The following GNB5 variants were observed in gnomAD, a reference collection of about 807,000 sequenced individuals.
GNB5 encodes G protein subunit beta 5, also known as guanine nucleotide-binding protein subunit beta-5.
A neutral mutation model predicts 55.3 loss-of-function variants in GNB5; 37 were observed. That is an observed-to-expected ratio of 0.67 (90% CI 0.51 to 0.88). The LOEUF (loss-of-function observed/expected upper bound fraction) is 0.88, where lower values mean the gene tolerates loss of function less well. Ranked by LOEUF, GNB5 falls within the 40% of genes least tolerant of loss-of-function variation. The pLI, the probability that GNB5 is intolerant of heterozygous loss-of-function variation, is 0.00. For synonymous variants in GNB5, 219 were observed against 198.5 expected (o/e 1.10, Z -0.87); for missense variants, 476 against 515.3 (o/e 0.92, Z 0.74).
chr15:52,162,445 T>A (rs1305936023), intron 3 of GNB5, among the ~76,000 whole-genome samples: 1 of 152,082 alleles, frequency 6.6e-6, no homozygotes, highest in African/African-American at 2.4e-5. Context: ...CATTACATCA[T>A]CAGGCAATGA....
chr15:52,115,399 A>C lies in GNB5; in HGVS notation c.*7358T>G, dbSNP rs1429515818. ...CTGTGCAGCTATGGGCAAGTTATTC[A>C]ACTCTCCTAACCTCAATCTCCCCAT... On this transcript the variant is annotated 3_prime_UTR_variant, in exon 13 of 13. Transcript: ENST00000261837. 1 of 152,220 alleles carries C rather than the reference A, an allele frequency of 6.6e-6. No individual in the cohort carries two copies. The highest frequency in any genetic ancestry group is 1.5e-5 in the Non-Finnish European group (1 of 68,038). 9.4% of individuals were successfully genotyped at this position (152,220 alleles called of 1,614,324 possible).
intron 3 of GNB5, among the ~76,000 whole-genome samples, chr15:52,167,728 G>A (rs967468758): frequency 1.3e-5 from 2 of 151,614 alleles, no homozygotes; most frequent in Non-Finnish European, 2.9e-5. Flanking sequence ...GATGAACATT[G>A]GTGCAAAAAT....
chr15:52,181,338 G>A (rs7183278), intron 2 of GNB5: 27,766 of 152,250 alleles, frequency 0.18, 2,806 homozygotes, highest in Admixed American at 0.27. Context: ...GGTGTGGGCC[G>A]GGTGCGGTGG....
At chr15:52,183,190 T>A (rs1225052770) in intron 2 of GNB5, among the ~76,000 whole-genome samples, 1 of 152,154 alleles carries the variant, frequency 6.6e-6, no homozygotes, top group African/African-American at 2.4e-5. Context: ...TGGCAACTAT[T>A]CCCTAGAAAA....
intron 3 of GNB5, among the ~76,000 whole-genome samples, chr15:52,162,184 A>C (rs569291099): frequency 6.6e-6 from 1 of 152,310 alleles, no homozygotes; most frequent in African/African-American, 2.4e-5. Context: ...ATCTCCTCGG[A>C]GCCTGCACCC....
intron 12 of GNB5, among the ~76,000 whole-genome samples, chr15:52,123,097 T>C (rs1485119672): frequency 6.6e-6 from 1 of 152,192 alleles, no homozygotes; most frequent in African/African-American, 2.4e-5. Context: ...TTTGAACCCA[T>C]ACAGCTCACC....
chr15:52,141,241 AGG>A lies in GNB5; in HGVS notation c.524_525del (p.Pro175LeufsTer4). The A allele has an allele frequency of 6.2e-7, 1 of 1,613,876 alleles. No homozygotes were observed. Among genetic ancestry groups the A allele is most frequent in the South Asian group, 1.1e-5 (1 of 91,078 alleles). ...ATGTTTTCATTTTTGTCAAACGTCA[AGG>A]GGTACACAGAACACTTATTATCCAA... ...GGLDNKCSVY[P>X]LTFDKNENMA... On this transcript the variant is annotated frameshift_variant, in exon 7 of 13. Coordinates refer to ENST00000261837, the MANE Select transcript of GNB5 (RefSeq NM_016194.4). LOFTEE classifies it high-confidence loss of function.
rs754366947 is a variant in GNB5 at position 52,184,698 on chromosome 15, A to G, written c.-18-4T>C. 3 of 1,602,254 alleles carry G rather than the reference A, an allele frequency of 1.9e-6. No individual in the cohort carries two copies. The highest frequency in any genetic ancestry group is 2.6e-6 in the Non-Finnish European group (3 of 1,172,832). On this transcript the variant is annotated splice_polypyrimidine_tract_variant and splice_region_variant and intron_variant, in intron 1 of 12. Coordinates refer to ENST00000261837, the MANE Select transcript of GNB5 (RefSeq NM_016194.4). ...ACATCTTTTACCCAAGATAAAGCTG[A>G]AAAAAAGTGAAAAGAAGGGAGGGGG...
chr15:52,171,481 G>C (rs1596101541), intron 3 of GNB5, among the ~76,000 whole-genome samples: 2 of 152,204 alleles, frequency 1.3e-5, no homozygotes, highest in East Asian at 3.9e-4. Flanking sequence ...TTGTTTATTG[G>C]GAAAGTACTC....
rs4494485 is a variant in GNB5 at position 52,184,283 on chromosome 15, C to A, written c.126+268G>T. ...TTATGATGTAGGTGCTATTAGCATT[C>A]CTATTTGCAGATGGGAAAAACAGGC... On this transcript the variant is annotated intron_variant, in intron 2 of 12. Coordinates refer to ENST00000261837, the MANE Select transcript of GNB5 (RefSeq NM_016194.4). 0.064 allele frequency among the ~76,000 whole-genome samples: 9,769 copies of A among 152,214 alleles called. 900 individuals are homozygous for A. Among genetic ancestry groups the A allele is most frequent in the East Asian group, 0.47 (2,429 of 5,176 alleles).
chr15:52,176,827 C>G (rs2034658533), intron 3 of GNB5, among the ~76,000 whole-genome samples: 1 of 152,148 alleles, frequency 6.6e-6, no homozygotes, highest in Non-Finnish European at 1.5e-5. Context: ...TCTCAAAACC[C>G]TCCAAGGGTT....
intron 1 of GNB5, among the ~76,000 whole-genome samples, chr15:52,190,778 T>TAAAAAAAAAAAAAAAA (rs58614125): frequency 7.2e-5 from 7 of 96,928 alleles, no homozygotes; most frequent in African/African-American, 2.6e-4. Flanking sequence ...CTTATTTCCT[T>TAAAAAAAAAAAAAAAA]AAAAAAAAAA....
intron 3 of GNB5, among the ~76,000 whole-genome samples, chr15:52,160,767 C>A (rs1021772219): frequency 6.6e-6 from 1 of 152,114 alleles, no homozygotes; most frequent in Non-Finnish European, 1.5e-5. Context: ...ATTTGGGGGA[C>A]TACAGGCATG....
intron 5 of GNB5, 128 bp downstream of exon 5, chr15:52,149,756 C>T (rs780523016): frequency 1.3e-5 from 10 of 744,974 alleles, no homozygotes; most frequent in East Asian, 2.6e-5. Context: ...GGTTTCCATC[C>T]GTAGAGGCAA....
In GNB5 at chr15:52,120,253, T is replaced by A. The variant is rs1449265747; in HGVS notation, c.*2504A>T. The A allele has an allele frequency of 6.6e-6, 1 of 152,228 alleles. No individual in the cohort carries two copies. The highest frequency in any genetic ancestry group is 1.5e-5 in the Non-Finnish European group (1 of 68,038). 9.4% of individuals were successfully genotyped at this position (152,228 alleles called of 1,614,324 possible). ...AAGAAAAGCTGATTATAAAATGCAC[T>A]CAGCATTATTTTCAATCTGCAAAAT... On this transcript the variant is annotated 3_prime_UTR_variant, in exon 13 of 13. Coordinates refer to ENST00000261837, the MANE Select transcript of GNB5 (RefSeq NM_016194.4).
At chr15:52,131,502 C>A (rs1274432483) in intron 9 of GNB5, among the ~76,000 whole-genome samples, 1 of 152,184 alleles carries the variant, frequency 6.6e-6, no homozygotes, top group Non-Finnish European at 1.5e-5. Flanking sequence ...TGGAACCAAT[C>A]TCCCACAGAT....
chr15:52,133,881 A>G (rs909359993), intron 8 of GNB5, among the ~76,000 whole-genome samples: 9 of 152,148 alleles, frequency 5.9e-5, no homozygotes, highest in African/African-American at 2.2e-4. Flanking sequence ...TCTAGTTGTG[A>G]CATTAATAAA....
At chr15:52,136,113 A>AACACACACAC (rs751263225) in intron 7 of GNB5, among the ~76,000 whole-genome samples, 777 of 50,676 alleles carry the variant, frequency 0.015, 35 homozygotes, top group East Asian at 0.039. Context: ...AAAAGCAGAA[A>AACACACACAC]ACACACACAC....
rs2033136054 is a variant in GNB5 at position 52,115,996 on chromosome 15, T to C, written c.*6761A>G. ...TTCAAGGTTCATCCATGTTGCAGCATGTGTCCACGCTTTCTTTCTTTGTAT... is the reference window on the plus strand; with the variant it reads ...TTCAAGGTTCATCCATGTTGCAGCACGTGTCCACGCTTTCTTTCTTTGTAT... On this transcript the variant is annotated 3_prime_UTR_variant, in exon 13 of 13. Coordinates refer to ENST00000261837, the MANE Select transcript of GNB5 (RefSeq NM_016194.4). 1 of 152,278 alleles carries C rather than the reference T, an allele frequency of 6.6e-6. No homozygotes were observed. Among genetic ancestry groups the C allele is most frequent in the Non-Finnish European group, 1.5e-5 (1 of 68,044 alleles). The allele number at this position is 152,278 out of a possible 1,614,324, so 9.4% of individuals were successfully genotyped here.
Sources: allele counts gnomAD v4.1 joint callset (sites outside exome capture counted in the v4.1 genomes callset), GRCh38; gene constraint gnomAD v4.1.1; transcripts MANE v1.5; gene names NCBI Gene and HGNC (gene_info 2026-07-23, HGNC 2026-07-21).